The following B3GAT2 variants were observed in gnomAD, a reference collection of about 807,000 sequenced individuals.
B3GAT2 encodes the protein beta-1,3-glucuronyltransferase 2.
A neutral mutation model predicts 27.8 loss-of-function variants in B3GAT2; 26 were observed. That is an observed-to-expected ratio of 0.93 (90% CI 0.68 to 1.30). The LOEUF (loss-of-function observed/expected upper bound fraction) is 1.30. Ranked by LOEUF, B3GAT2 falls within the 50% of genes most tolerant of loss-of-function variation. The pLI is 0.00. For missense variants in B3GAT2, 458 were observed against 459.0 expected, an observed-to-expected ratio of 1.00 and a Z score of 0.02; for synonymous variants, 218 against 195.1, an observed-to-expected ratio of 1.12 and a Z score of -0.98.
chr6:70,857,184 AT>A lies in B3GAT2; in HGVS notation c.*4478del. ...AACTATGAAGCCGAAATGAATGAGC[AT>A]TAGAATTAAAAAATTAAGAGGCATG... is the stretch of plus-strand genomic sequence containing the variant. On this transcript the variant is annotated 3_prime_UTR_variant, in exon 4 of 4. Transcript: ENST00000230053. The A allele has an allele frequency of 1.5e-6, 1 of 671,020 alleles. No individual in the cohort carries two copies. Among genetic ancestry groups the A allele is most frequent in the Non-Finnish European group, 2.2e-6 (1 of 450,312 alleles). 41.6% of individuals were successfully genotyped at this position (671,020 alleles called of 1,614,324 possible). A position where few individuals can be genotyped will look rare whatever the true frequency, so the allele number is the denominator to read the frequency against.
intron 1 of B3GAT2, among the ~76,000 whole-genome samples, chr6:70,947,395 G>C (rs896979254): frequency 1.3e-5 from 2 of 151,830 alleles, no homozygotes; most frequent in Non-Finnish European, 2.9e-5. Flanking sequence ...ATGATAAAGG[G>C]GATATCACCA....
intron 1 of B3GAT2, among the ~76,000 whole-genome samples, chr6:70,943,536 T>C (rs1477144394): frequency 6.6e-6 from 1 of 152,220 alleles, no homozygotes; most frequent in Admixed American, 6.5e-5. Context: ...CAGTTCTGCC[T>C]GCCCTGACAT....
At chr6:70,942,365 A>AC (rs1364629221) in intron 1 of B3GAT2, among the ~76,000 whole-genome samples, 6 of 152,096 alleles carry the variant, frequency 3.9e-5, no homozygotes, top group Non-Finnish European at 7.3e-5. Flanking sequence ...TCATCTTCTC[A>AC]CCACCCAGCC....
In B3GAT2 at chr6:70,956,554, C is replaced by G; in HGVS notation, c.-125G>C. ...GTGATGGGTGCGCTGTCCATGGGGC[C>G]GAGGGCGCTGCAGAGACCTGGAGCC... On this transcript the variant is annotated 5_prime_UTR_variant, in exon 1 of 4. Transcript: ENST00000230053. 2.0e-6 allele frequency: 3 copies of G among 1,491,490 alleles called. No homozygotes were observed. The highest frequency in any genetic ancestry group is 2.7e-6 in the Non-Finnish European group (3 of 1,124,612). The allele number at this position is 1,491,490 out of a possible 1,614,324, so 92.4% of individuals were successfully genotyped here. A position where few individuals can be genotyped will look rare whatever the true frequency, so the allele number is the denominator to read the frequency against.
intron 2 of B3GAT2, among the ~76,000 whole-genome samples, chr6:70,865,644 G>A (rs949349268): frequency 6.6e-5 from 10 of 152,188 alleles, no homozygotes; most frequent in African/African-American, 2.2e-4. Context: ...CTCTCAGGCA[G>A]AGGGATAGGG....
At chr6:70,947,509 C>T (rs1381388378) in intron 1 of B3GAT2, among the ~76,000 whole-genome samples, 7 of 152,158 alleles carry the variant, frequency 4.6e-5, no homozygotes, top group African/African-American at 7.2e-5. Context: ...TCGACACATA[C>T]ACCCTCCGAA....
chr6:70,952,932 T>C lies in B3GAT2; in HGVS notation c.591+2907A>G, dbSNP rs78511454. The stretch of plus-strand genomic sequence containing the variant: ...TGAACACAGATTGCCTGTTGCGTCT[T>C]TAATTTAATTTGGAGACCTTTCATC... On this transcript the variant is annotated intron_variant, in intron 1 of 3. Coordinates refer to ENST00000230053, the MANE Select transcript of B3GAT2 (RefSeq NM_080742.3). 5.9e-3 allele frequency among the ~76,000 whole-genome samples: 905 copies of C among 152,328 alleles called. 7 individuals carry two copies. The highest frequency in any genetic ancestry group is 0.017 in the African/African-American group (724 of 41,572).
In B3GAT2 at chr6:70,955,977, G is replaced by A. The variant is rs200162847; in HGVS notation, c.453C>T (p.Pro151=). 1.2e-4 allele frequency: 173 copies of A among 1,467,978 alleles called. No homozygotes were observed. In the African/African-American group the frequency reaches 2.4e-3, roughly 21 times the overall value. 90.9% of individuals were successfully genotyped at this position (1,467,978 alleles called of 1,614,324 possible). ...GCTGCTCAGTGGCGCGCGGCAGCCC[G>A]GGCCGCTTGTAGCGCCGCGGCGTGG... ...HVPTPRRYKR[P]GLPRATEQRN... is the part of the protein sequence containing the mutation. The change falls in exon 1 of 4, where the codon CCC becomes CCT. Residue 151 remains proline (P), a synonymous_variant. Transcript: ENST00000230053.
chr6:70,861,590 T>C lies in B3GAT2; in HGVS notation c.*73A>G, dbSNP rs534825302. On this transcript the variant is annotated 3_prime_UTR_variant, in exon 4 of 4. Transcript: ENST00000230053. ...AAACAAACAATACCTGAATGCTCTG[T>C]AGCCTAAACTCCAAACATCCTCTTC... The C allele has an allele frequency of 2.9e-6, 4 of 1,370,958 alleles. No homozygotes were observed. In the East Asian group the frequency reaches 9.2e-5, roughly 32 times the overall value. The allele number at this position is 1,370,958 out of a possible 1,614,324, so 84.9% of individuals were successfully genotyped here.
intron 1 of B3GAT2, among the ~76,000 whole-genome samples, chr6:70,952,497 G>C (rs1295973952): frequency 1.3e-5 from 2 of 150,630 alleles, no homozygotes; most frequent in Non-Finnish European, 3.0e-5. Context: ...TTGAAAACAT[G>C]ACTAAAAATA....
intron 1 of B3GAT2, among the ~76,000 whole-genome samples, chr6:70,909,057 A>T (rs1002384272): frequency 5.3e-5 from 8 of 152,214 alleles, no homozygotes; most frequent in Non-Finnish European, 1.2e-4. Flanking sequence ...ATGACCAACC[A>T]TTACTTAGGC....
Position 70,857,161 on chromosome 6 carries a change from C to A in B3GAT2, c.*4502G>T. The A allele has an allele frequency of 2.3e-6, 2 of 861,502 alleles. No individual in the cohort carries two copies. The highest frequency in any genetic ancestry group is 3.3e-6 in the Non-Finnish European group (2 of 612,402). The allele number at this position is 861,502 out of a possible 1,614,324, so 53.4% of individuals were successfully genotyped here. On this transcript the variant is annotated 3_prime_UTR_variant, in exon 4 of 4. Transcript: ENST00000230053. ...GCTTTTGTTGTTGCAGTTTATACAA[C>A]TATGAAGCCGAAATGAATGAGCATT...
At chr6:70,918,906 G>A (rs1435693629) in intron 1 of B3GAT2, among the ~76,000 whole-genome samples, 1 of 152,102 alleles carries the variant, frequency 6.6e-6, no homozygotes, top group Non-Finnish European at 1.5e-5. Flanking sequence ...TATCTTTGTG[G>A]TGTTCTCTGT....
chr6:70,930,973 G>T (rs1773052606), intron 1 of B3GAT2, among the ~76,000 whole-genome samples: 1 of 152,074 alleles, frequency 6.6e-6, no homozygotes. Context: ...AGAAAATGTG[G>T]CACATATGCA....
chr6:70,896,596 C>T (rs774790005), intron 1 of B3GAT2, among the ~76,000 whole-genome samples: 1 of 152,170 alleles, frequency 6.6e-6, no homozygotes, highest in Non-Finnish European at 1.5e-5. Flanking sequence ...TATAACTATA[C>T]ATTAGTTTGC....
intron 1 of B3GAT2, among the ~76,000 whole-genome samples, chr6:70,954,180 C>T (rs1366275341): frequency 2.0e-5 from 3 of 152,188 alleles, no homozygotes; most frequent in Non-Finnish European, 2.9e-5. Flanking sequence ...AATTGTGGTG[C>T]ATTGAAATGT....
intron 2 of B3GAT2, among the ~76,000 whole-genome samples, chr6:70,889,321 AC>A (rs1252438581): frequency 6.6e-6 from 1 of 151,858 alleles, no homozygotes; most frequent in Non-Finnish European, 1.5e-5. Context: ...AAGCTGTTAT[AC>A]CCCTTGAAAC....
chr6:70,893,924 T>G (rs755726502), intron 2 of B3GAT2, among the ~76,000 whole-genome samples: 1 of 152,182 alleles, frequency 6.6e-6, no homozygotes, highest in Non-Finnish European at 1.5e-5. Flanking sequence ...AAGGGCATTT[T>G]CTAATCACCC....
intron 1 of B3GAT2, among the ~76,000 whole-genome samples, chr6:70,925,522 C>G (rs1377860008): frequency 6.6e-6 from 1 of 152,226 alleles, no homozygotes; most frequent in African/African-American, 2.4e-5. Context: ...TCGGCGGTTC[C>G]CACACCTATG....
Sources: gnomAD v4.1 joint callset for allele counts (sites outside exome capture counted in the v4.1 genomes callset) on GRCh38, gnomAD v4.1.1 for gene constraint, MANE v1.5 for transcripts, NCBI Gene and HGNC (gene_info 2026-07-23, HGNC 2026-07-21) for gene names.